The following AOX1 variants were observed in gnomAD, a reference collection of about 807,000 sequenced individuals.
AOX1 encodes the protein aldehyde oxidase.
Under a neutral mutation model 169.5 loss-of-function variants are expected in AOX1, and 153 were observed. That is an observed-to-expected ratio of 0.90 (90% CI 0.79 to 1.03). The LOEUF (loss-of-function observed/expected upper bound fraction) is 1.03, where lower values mean the gene tolerates loss of function less well. Ranked by LOEUF, AOX1 falls within the 50% of genes least tolerant of loss-of-function variation. The probability of loss-of-function intolerance (pLI) is 0.00; values close to 1 mark genes in which losing one functional copy is unlikely to be tolerated. For missense variants in AOX1, 1,656 were observed against 1,663.9 expected (o/e 1.00, Z 0.08); for synonymous variants, 562 against 581.9 (o/e 0.97, Z 0.49).
chr2:200,660,060 G>A lies in AOX1; in HGVS notation c.3366G>A (p.Trp1122Ter). The change falls in exon 29 of 35, where the codon TGG becomes TGA. Residue 1122 changes from tryptophan to a stop codon, truncating the protein, a stop_gained. Transcript: ENST00000374700. LOFTEE classifies it high-confidence loss of function. ...TCAGCAAGAATCCTAAAGGAACTTGGAAAGACTGGGTGAGAATCAATGGTT... is the reference window on the plus strand; with the variant it reads ...TCAGCAAGAATCCTAAAGGAACTTGAAAAGACTGGGTGAGAATCAATGGTT... ...PIISKNPKGT[W>*]KDWAQTAFDE... The A allele has an allele frequency of 1.9e-6, 3 of 1,613,572 alleles. No individual in the cohort carries two copies. Among genetic ancestry groups the A allele is most frequent in the Non-Finnish European group, 2.5e-6 (3 of 1,179,552 alleles).
chr2:200,599,846 G>C, intron 5 of AOX1, 100 bp downstream of exon 5: 1 of 991,520 alleles, frequency 1.0e-6, no homozygotes, highest in Non-Finnish European at 1.3e-6. Flanking sequence ...GGGCGGCGGC[G>C]CAATCTTGGC....
Position 200,602,302 on chromosome 2 carries a change from C to A in AOX1, c.455C>A (p.Thr152Asn). The A allele has an allele frequency of 6.2e-7, 1 of 1,613,840 alleles. No individual in the cohort carries two copies. ...DALGGNLCRC[T>N]GYRPIIDACK... Reference sequence around the variant, plus strand: ...CCTTCAGGTAACCTGTGCCGTTGCACTGGATACAGGCCCATAATTGATGCA... The same window carrying A: ...CCTTCAGGTAACCTGTGCCGTTGCAATGGATACAGGCCCATAATTGATGCA... The change falls in exon 6 of 35, where the codon ACT (threonine) becomes AAT (asparagine). Residue 152 changes from threonine to asparagine, a missense_variant. By Grantham distance (65) the Thr-to-Asn change is moderately conservative (BLOSUM62 0). Transcript: ENST00000374700.
intron 32 of AOX1, 149 bp downstream of exon 32, chr2:200,666,901 G>A: frequency 2.0e-6 from 1 of 494,350 alleles, no homozygotes; most frequent in Non-Finnish European, 3.6e-6. Flanking sequence ...GAGCTCAAAT[G>A]TTTTACTGTT....
intron 20 of AOX1, among the ~76,000 whole-genome samples, chr2:200,628,727 A>C (rs2035053898): frequency 2.6e-5 from 4 of 152,168 alleles, no homozygotes. Flanking sequence ...CCAGGAATTC[A>C]AGACCAGCCT....
intron 3 of AOX1, 125 bp downstream of exon 3, chr2:200,595,493 A>G (rs901971007): frequency 3.5e-5 from 20 of 575,690 alleles, no homozygotes; most frequent in Non-Finnish European, 5.4e-5. Context: ...TTGGCGTACA[A>G]TGATGAACAA....
rs1452142104 is a variant in AOX1 at position 200,671,375 on chromosome 2, G to A, written c.*696G>A. 6.6e-6 allele frequency: 1 copy of A among 152,152 alleles called. No individual in the cohort carries two copies. Among genetic ancestry groups the A allele is most frequent in the African/African-American group, 2.4e-5 (1 of 41,434 alleles). The allele number at this position is 152,152 out of a possible 1,614,324, so 9.4% of individuals were successfully genotyped here. ...AGGCAAAAGAATTGCTGGATGGTAT[G>A]GTAGTTCTATTTTTAGTTTTTACCC... On this transcript the variant is annotated 3_prime_UTR_variant, in exon 35 of 35. Coordinates refer to ENST00000374700, the MANE Select transcript of AOX1 (RefSeq NM_001159.4).
chr2:200,642,867 C>T, intron 25 of AOX1, 66 bp downstream of exon 25: 3 of 1,478,086 alleles, frequency 2.0e-6, no homozygotes, highest in Non-Finnish European at 2.7e-6. Flanking sequence ...CCTTTGGGGG[C>T]CATTCAGGTT....
Position 200,613,871 on chromosome 2 carries a change from T to G in AOX1, c.1516T>G (p.Ser506Ala), listed in dbSNP as rs1434121712. ...TCTGAATGAAGTCTCCCTTTTGGGC[T>G]CGGCGCCAGGTGGGAAAGTGGAGTT... The part of the protein sequence containing the change: ...LILNEVSLLG[S>A]APGGKVEFKR... Residue 506 changes from serine (S) to alanine (A), a missense_variant, in exon 15 of 35, where the codon TCG becomes GCG. Physicochemically the swap from Ser to Ala is moderately conservative, Grantham distance 99 (BLOSUM62 1). Transcript: ENST00000374700. 3 of 1,612,596 alleles carry G rather than the reference T, an allele frequency of 1.9e-6. No individual in the cohort carries two copies. Among genetic ancestry groups the G allele is most frequent in the Non-Finnish European group, 2.5e-6 (3 of 1,179,970 alleles).
rs75169215 is a variant in AOX1, at chr2:200,613,004, G to C, written c.1448+211G>C. 1.3e-3 allele frequency among the ~76,000 whole-genome samples: 125 copies of C among 93,112 alleles called. 1 individual carries two copies. In the East Asian group the frequency reaches 0.036, roughly 27 times the overall value. The allele number at this position is 93,112 out of a possible 152,430, so 61.1% of individuals were successfully genotyped here. On this transcript the variant is annotated intron_variant, in intron 14 of 34. Transcript: ENST00000374700. ...AGTGGGAATTATATACTCTGTGTGCGTGTGTGTGTGTGTGTGTGTGTGTGA... is the reference window on the plus strand; with the variant it reads ...AGTGGGAATTATATACTCTGTGTGCCTGTGTGTGTGTGTGTGTGTGTGTGA...
Position 200,657,183 on chromosome 2 carries a change from TA to T in AOX1, c.3171+247del, listed in dbSNP as rs1257966575. 1.5e-3 allele frequency among the ~76,000 whole-genome samples: 108 copies of T among 73,390 alleles called. 1 individual carries two copies. Among genetic ancestry groups the T allele is most frequent in the Middle Eastern group, 6.8e-3 (1 of 146 alleles). The allele number at this position is 73,390 out of a possible 152,430, so 48.1% of individuals were successfully genotyped here. A position where few individuals can be genotyped will look rare whatever the true frequency, so the allele number is the denominator to read the frequency against. On this transcript the variant is annotated intron_variant, in intron 27 of 34. Coordinates refer to ENST00000374700, the MANE Select transcript of AOX1 (RefSeq NM_001159.4). ...TACCAAAAATATATATATATATATA[TA>T]TATATATTTTTTTTTTTTTTTAATT...
chr2:200,608,487 G>T (rs2034562078), intron 10 of AOX1, among the ~76,000 whole-genome samples: 1 of 152,206 alleles, frequency 6.6e-6, no homozygotes, highest in Non-Finnish European at 1.5e-5. Context: ...ATGTGGGTTT[G>T]CAGTACAGCC....
chr2:200,652,061 C>T (rs904172208), intron 26 of AOX1, among the ~76,000 whole-genome samples: 1 of 152,004 alleles, frequency 6.6e-6, no homozygotes, highest in Non-Finnish European at 1.5e-5. Context: ...CTGTGCTGAG[C>T]GATCACAAAA....
intron 10 of AOX1, among the ~76,000 whole-genome samples, chr2:200,606,021 G>C (rs543276459): frequency 5.9e-5 from 9 of 152,280 alleles, no homozygotes; most frequent in African/African-American, 1.9e-4. Context: ...GGCTTTTGCT[G>C]CAATTGCTTT....
At position 200,662,962 on chromosome 2, in the gene AOX1, A is replaced by T. The variant is rs1574962634; in HGVS notation, c.3536A>T (p.Asp1179Val). 6.2e-7 allele frequency: 1 copy of T among 1,613,716 alleles called. No homozygotes were observed. The highest frequency in any genetic ancestry group is 1.7e-5 in the Admixed American group (1 of 60,012). Residue 1179 changes from aspartate to valine, a missense_variant, in exon 31 of 35, where the codon GAT becomes GTT. Physicochemically the swap from Asp to Val is radical, Grantham distance 152. Coordinates refer to ENST00000374700, the MANE Select transcript of AOX1 (RefSeq NM_001159.4). ...GTTGAAATAGACTGCCTGACGGGGG[A>T]TCATAAGGTCAGTACCGGTTGGAAA... The part of the protein sequence containing the change: ...SEVEIDCLTG[D>V]HKNIRTDIVM...
rs868134484 is a variant in AOX1 at position 200,657,169 on chromosome 2, T to A, written c.3171+232T>A. ...GGAGATTCCATCTCTACCAAAAATA[T>A]ATATATATATATATATATATATTTT... On this transcript the variant is annotated intron_variant, in intron 27 of 34. Transcript: ENST00000374700. Among the ~76,000 whole-genome samples the A allele has an allele frequency of 3.4e-3, 207 of 60,668 alleles. 2 individuals are homozygous for A. The highest frequency in any genetic ancestry group is 9.8e-3 in the Admixed American group (53 of 5,424). 39.8% of individuals were successfully genotyped at this position (60,668 alleles called of 152,430 possible).
At chr2:200,668,998 C>T (rs2035975850) in intron 33 of AOX1, among the ~76,000 whole-genome samples, 195 bp downstream of exon 33, 6 of 152,174 alleles carry the variant, frequency 3.9e-5, no homozygotes, top group Admixed American at 1.3e-4. Context: ...TTAACATCAA[C>T]TACTATTGCC....
intron 16 of AOX1, 116 bp from the exon 17 acceptor site, chr2:200,620,534 G>T: frequency 5.0e-6 from 5 of 993,326 alleles, no homozygotes; most frequent in Non-Finnish European, 5.6e-6. Flanking sequence ...ATATGCAAAA[G>T]TATTCTGGTT....
At chr2:200,672,462 G>A (rs536178404), downstream of AOX1, among the ~76,000 whole-genome samples, 2 of 152,306 alleles carry the variant, frequency 1.3e-5, no homozygotes, top group East Asian at 3.9e-4. Flanking sequence ...TTTCCGTTAA[G>A]AGCAGAGAGA....
At chr2:200,634,741 C>A (rs375783061) in intron 20 of AOX1, 50 bp from the exon 21 acceptor site, 1 of 1,609,164 alleles carries the variant, frequency 6.2e-7, no homozygotes, top group South Asian at 1.1e-5. Flanking sequence ...GGGGACGCTA[C>A]CTGTTGCTTC....
Sources: allele counts gnomAD v4.1 joint callset (sites outside exome capture counted in the v4.1 genomes callset), GRCh38; gene constraint gnomAD v4.1.1; transcripts MANE v1.5; gene names NCBI Gene and HGNC (gene_info 2026-07-23, HGNC 2026-07-21).